The following PRH1 variants were observed in gnomAD, a reference collection of about 807,000 sequenced individuals.
PRH1 encodes the protein salivary acidic proline-rich phosphoprotein 1/2.
Under a neutral mutation model 7.9 loss-of-function variants are expected in PRH1, and 7 were observed. The observed-to-expected ratio is 0.89, with a 90% CI of 0.50 to 1.67. The LOEUF (loss-of-function observed/expected upper bound fraction) is 1.67. PRH1 is among the 40% of genes most tolerant of loss of function. The pLI, the probability that PRH1 is intolerant of heterozygous loss-of-function variation, is 0.00. For missense variants in PRH1, 109 were observed against 223.6 expected, an observed-to-expected ratio of 0.49 and a Z score of 3.27; for synonymous variants, 45 against 80.8, an observed-to-expected ratio of 0.56 and a Z score of 2.38.
upstream of PRH1, chr12:11,048,942 A>G (rs1280218802): frequency 7.0e-6 from 2 of 284,488 alleles, no homozygotes. Flanking sequence ...TGAGCAAATG[A>G]AATATGCTGA....
chr12:10,986,983 T>G (rs1939674955), intron 1 of PRH1: 1 of 680,580 alleles, frequency 1.5e-6, no homozygotes, highest in Admixed American at 3.6e-5. Flanking sequence ...TTCTTTTTAC[T>G]TTTAAACACT....
intron 2 of PRH1, chr12:10,908,394 T>C (rs1293310028): frequency 6.2e-7 from 1 of 1,610,154 alleles, no homozygotes; most frequent in South Asian, 1.1e-5. Context: ...TTCTCATCGT[T>C]TAGCCCATAC....
At chr12:11,029,740 C>A (rs967384679) in intron 1 of PRH1, among the ~76,000 whole-genome samples, 2 of 150,656 alleles carry the variant, frequency 1.3e-5, no homozygotes, top group African/African-American at 4.9e-5. Flanking sequence ...ATCTAATATT[C>A]CTCAGTACCG....
chr12:11,142,114 A>C (rs894782771), intron 1 of PRH1, among the ~76,000 whole-genome samples: 2 of 152,150 alleles, frequency 1.3e-5, no homozygotes, highest in Non-Finnish European at 2.9e-5. Flanking sequence ...TTTTGAGCAG[A>C]ACACACAAGG....
At chr12:10,999,764 C>T (rs1015536907) in intron 1 of PRH1, among the ~76,000 whole-genome samples, 3 of 152,116 alleles carry the variant, frequency 2.0e-5, no homozygotes, top group African/African-American at 7.2e-5. Context: ...AGGTTCACAA[C>T]CCTAAACTCC....
intron 1 of PRH1, among the ~76,000 whole-genome samples, chr12:11,010,211 C>T (rs1941005344): frequency 6.6e-6 from 1 of 151,960 alleles, no homozygotes; most frequent in South Asian, 2.1e-4. Context: ...ATGCAAATTT[C>T]CCAAAATGAT....
chr12:11,159,503 A>G (rs548352208), intron 1 of PRH1: 2 of 152,086 alleles, frequency 1.3e-5, no homozygotes, highest in South Asian at 2.1e-4. Flanking sequence ...TAAATGAATC[A>G]AATAGTATTA....
chr12:10,921,074 G>T (rs909492098), intron 2 of PRH1, among the ~76,000 whole-genome samples: 3 of 151,752 alleles, frequency 2.0e-5, no homozygotes, highest in African/African-American at 7.3e-5. Context: ...TATATTATGA[G>T]ACTAATTTAC....
At chr12:11,029,896 T>C (rs1156444922) in intron 1 of PRH1, among the ~76,000 whole-genome samples, 1 of 152,300 alleles carries the variant, frequency 6.6e-6, no homozygotes, top group Non-Finnish European at 1.5e-5. Context: ...CAAAGATACA[T>C]CCTCATTATT....
At chr12:10,961,324 A>G (rs1166953879) in intron 2 of PRH1, among the ~76,000 whole-genome samples, 6 of 150,952 alleles carry the variant, frequency 4.0e-5, no homozygotes, top group Non-Finnish European at 8.8e-5. Context: ...AGAGGTGCCC[A>G]GCGAACAATG....
At chr12:11,023,295 A>G (rs1941750864) in intron 1 of PRH1, among the ~76,000 whole-genome samples, 1 of 152,160 alleles carries the variant, frequency 6.6e-6, no homozygotes, top group African/African-American at 2.4e-5. Flanking sequence ...TAATTCCCCA[A>G]ATGGAAAATG....
intron 2 of PRH1, chr12:10,973,324 A>T (rs182098654): frequency 4.4e-5 from 9 of 202,706 alleles, no homozygotes; most frequent in Admixed American, 4.1e-4. Flanking sequence ...AGATGCTAAA[A>T]TAAGACTCCA....
At chr12:10,960,756 A>G (rs1423062002) in intron 2 of PRH1, among the ~76,000 whole-genome samples, 2 of 152,342 alleles carry the variant, frequency 1.3e-5, no homozygotes, top group South Asian at 2.1e-4. Flanking sequence ...ACAGAAGTAA[A>G]ATATCAGAAG....
At chr12:10,914,514 C>T (rs973919652) in intron 2 of PRH1, among the ~76,000 whole-genome samples, 6 of 152,160 alleles carry the variant, frequency 3.9e-5, no homozygotes, top group Non-Finnish European at 8.8e-5. Flanking sequence ...AGGTTCTGAG[C>T]AGATGTCCTT....
chr12:11,023,975 C>T (rs1291552646), intron 1 of PRH1, among the ~76,000 whole-genome samples: 3 of 151,754 alleles, frequency 2.0e-5, no homozygotes, highest in Non-Finnish European at 4.4e-5. Flanking sequence ...AATTCAGGAT[C>T]GAAGGAAAAA....
chr12:10,973,450 T>C (rs1280175261), intron 2 of PRH1: 2 of 426,418 alleles, frequency 4.7e-6, no homozygotes, highest in African/African-American at 4.0e-5. Context: ...GATATGAACT[T>C]AGACTATATT....
chr12:11,141,900 A>G (rs1946713304), intron 1 of PRH1, among the ~76,000 whole-genome samples: 1 of 152,086 alleles, frequency 6.6e-6, no homozygotes, highest in Non-Finnish European at 1.5e-5. Flanking sequence ...TGGTCCTCCC[A>G]CCTCACCTTC....
At chr12:10,999,854 A>G (rs1940499488) in intron 1 of PRH1, among the ~76,000 whole-genome samples, 1 of 152,020 alleles carries the variant, frequency 6.6e-6, no homozygotes, top group Non-Finnish European at 1.5e-5. Flanking sequence ...CTTGCACTAG[A>G]TATCATGTTT....
chr12:11,133,870 A>T, intron 1 of PRH1: 1 of 1,614,184 alleles, frequency 6.2e-7, no homozygotes, highest in Non-Finnish European at 8.5e-7. Flanking sequence ...CAACACTCTT[A>T]ACTCTCCTCT....
Sources: allele counts gnomAD v4.1 joint callset (sites outside exome capture counted in the v4.1 genomes callset), GRCh38; gene constraint gnomAD v4.1.1; transcripts MANE v1.5; gene names NCBI Gene and HGNC (gene_info 2026-07-23, HGNC 2026-07-21).